PXDN: variants seen among roughly 807,000 people sequenced by gnomAD.
PXDN encodes peroxidasin homolog.
Under a neutral mutation model 140.3 loss-of-function variants are expected in PXDN, and 77 were observed. That is an observed-to-expected ratio of 0.55 (90% CI 0.46 to 0.66). The LOEUF (loss-of-function observed/expected upper bound fraction) is 0.66, where lower values mean the gene tolerates loss of function less well. PXDN is among the 30% of genes least tolerant of loss of function. The probability of loss-of-function intolerance (pLI) is 0.00; values close to 1 mark genes in which losing one functional copy is unlikely to be tolerated. For synonymous variants in PXDN, 911 were observed against 857.4 expected (o/e 1.06, Z -1.09); for missense variants, 1,838 against 2,039.5 (o/e 0.90, Z 1.90).
At chr2:1,665,936 CACTT>C (rs1398063446) in intron 10 of PXDN, among the ~76,000 whole-genome samples, 1 of 149,426 alleles carries the variant, frequency 6.7e-6, no homozygotes, top group South Asian at 2.1e-4. Flanking sequence ...CTCTCTCTCT[CACTT>C]ATCTGATAGA....
intron 19 of PXDN, among the ~76,000 whole-genome samples, chr2:1,640,498 A>G (rs1682699724): frequency 6.6e-6 from 1 of 152,196 alleles, no homozygotes. Flanking sequence ...TCTTCAAGAC[A>G]GAGACCTAAA....
At position 1,660,916 on chromosome 2, in the gene PXDN, C is replaced by A. The variant is rs1455604946; in HGVS notation, c.1802G>T (p.Gly601Val). ...RYECVARNTI[G>V]SASVSMVLSV... is the part of the protein sequence containing the mutation. Reference sequence around the variant, plus strand: ...GAGCACCATGCTCACCGAGGCCGACCCAATGGTGTTCCGGGCCACACACTC... The same window carrying A: ...GAGCACCATGCTCACCGAGGCCGACACAATGGTGTTCCGGGCCACACACTC... Residue 601 changes from glycine to valine, a missense_variant, in exon 14 of 23, where the codon GGG becomes GTG. Gly to Val is a moderately radical substitution (Grantham distance 109). This residue lies in a region of PXDN where 537 missense variants were observed against 583.9 expected (regional missense o/e 0.92). Coordinates refer to ENST00000252804, the MANE Select transcript of PXDN (RefSeq NM_012293.3). The surrounding 1 kb of genome is among the most constrained non-coding windows in gnomAD (Gnocchi z 4.6). 14 of 1,613,752 alleles carry A rather than the reference C, an allele frequency of 8.7e-6. No homozygotes were observed. The highest frequency in any genetic ancestry group is 1.0e-5 in the Non-Finnish European group (12 of 1,179,842).
chr2:1,675,231 G>A (rs1250196131), intron 8 of PXDN, among the ~76,000 whole-genome samples: 1 of 152,184 alleles, frequency 6.6e-6, no homozygotes, highest in Non-Finnish European at 1.5e-5. Flanking sequence ...TGGATGTTAG[G>A]TAAGGCCAGC....
chr2:1,663,248 G>A (rs923883187), intron 12 of PXDN, among the ~76,000 whole-genome samples: 1 of 152,064 alleles, frequency 6.6e-6, no homozygotes, highest in Non-Finnish European at 1.5e-5. Flanking sequence ...ATTAGACTGT[G>A]TTACTTAAAT....
intron 14 of PXDN, 36 bp from the exon 15 acceptor site, chr2:1,654,544 A>T (rs778995009): frequency 1.0e-5 from 14 of 1,362,378 alleles, no homozygotes; most frequent in Non-Finnish European, 1.5e-5. Context: ...ACCAGGAAAA[A>T]TACTGCACAA....
intron 1 of PXDN, among the ~76,000 whole-genome samples, chr2:1,701,859 C>A (rs149696675): frequency 0.01 from 1,592 of 152,302 alleles, 22 homozygotes; most frequent in African/African-American, 0.036. Context: ...CGGTCTTGTC[C>A]TGTCCACAAT....
intron 19 of PXDN, among the ~76,000 whole-genome samples, chr2:1,641,132 G>A (rs535765768): frequency 9.2e-5 from 14 of 152,304 alleles, no homozygotes; most frequent in African/African-American, 3.1e-4. Context: ...GCTCAAGGAC[G>A]TTCGCTTTAA....
intron 6 of PXDN, 109 bp downstream of exon 6, chr2:1,683,547 A>ATGTTTT: frequency 2.3e-6 from 1 of 436,486 alleles, no homozygotes; most frequent in Non-Finnish European, 3.5e-6. Context: ...TTCTTTCAGA[A>ATGTTTT]TCAGATTGTT....
At chr2:1,743,893 C>T (rs1386792699) in intron 1 of PXDN, among the ~76,000 whole-genome samples, 3 of 133,804 alleles carry the variant, frequency 2.2e-5, no homozygotes, top group South Asian at 2.5e-4. Context: ...AAGCGGGAGG[C>T]CGGCGGAGCA....
intron 1 of PXDN, among the ~76,000 whole-genome samples, chr2:1,721,178 A>G (rs1032988242): frequency 1.4e-4 from 22 of 152,204 alleles, no homozygotes; most frequent in Non-Finnish European, 2.1e-4. Flanking sequence ...AGCCAAGTCG[A>G]CATAAAATTC....
intron 1 of PXDN, among the ~76,000 whole-genome samples, chr2:1,742,793 CGGA>C (rs1366137061): frequency 2.6e-5 from 4 of 152,166 alleles, no homozygotes; most frequent in Admixed American, 6.5e-5. Flanking sequence ...GGTCTCTCTG[CGGA>C]GGAGGAGAGG....
Position 1,648,271 on chromosome 2 carries a change from T to C in PXDN, c.3509A>G (p.Tyr1170Cys). 6.2e-7 allele frequency: 1 copy of C among 1,613,962 alleles called. No individual in the cohort carries two copies. Among genetic ancestry groups the C allele is most frequent in the Non-Finnish European group, 8.5e-7 (1 of 1,179,882 alleles). The change falls in exon 17 of 23, where the codon TAC becomes TGC. Residue 1170 changes from tyrosine (Y) to cysteine (C), a missense_variant. Physicochemically the swap from Tyr to Cys is radical, Grantham distance 194. Transcript: ENST00000252804. This position sits in a 1 kb window ranked among gnomAD's most constrained non-coding sequence, Gnocchi z 8.9. ...ATTGCAGTAGACCCTGTAGTCGTGG[T>C]AGGGTGGGATCCCGTGGTCCCGGCC... ...QRGRDHGIPP[Y>C]HDYRVYCNLS...
At chr2:1,665,461 G>T (rs1315122774) in intron 10 of PXDN, among the ~76,000 whole-genome samples, 1 of 152,186 alleles carries the variant, frequency 6.6e-6, no homozygotes, top group Non-Finnish European at 1.5e-5. Flanking sequence ...TGTGTATGAT[G>T]ATAGTGGTTA....
At position 1,705,824 on chromosome 2, in the gene PXDN, C is replaced by A. The variant is rs1188583081; in HGVS notation, c.201-12690G>T. Among the ~76,000 whole-genome samples the A allele has an allele frequency of 2.6e-5, 4 of 152,018 alleles. No individual in the cohort carries two copies. In the South Asian group the frequency reaches 6.2e-4, roughly 24 times the overall value. ...GGGATGCAGGTGCGGCTGCCTATGA[C>A]CTGGGACGCAGGGTGCAGGGCACGG... On this transcript the variant is annotated intron_variant, in intron 1 of 22. Transcript: ENST00000252804.
rs1863134 is a variant in PXDN, at chr2:1,649,119, G to A, written c.2661C>T (p.Ser887=). 8.6e-3 allele frequency: 13,946 copies of A among 1,612,636 alleles called. 905 individuals are homozygous for A. In the African/African-American group the frequency reaches 0.15, roughly 18 times the overall value. ...AGTTCATGAGCAGCGAAGTCATGCC[G>A]CTGCCGCACACAGGGCTGGAGCGCA... The part of the protein sequence containing the change: ...FFVRSSPVCG[S]GMTSLLMNSV... The change falls in exon 17 of 23, where the codon AGC becomes AGT. Residue 887 remains serine (S), a synonymous_variant. Coordinates refer to ENST00000252804, the MANE Select transcript of PXDN (RefSeq NM_012293.3). The surrounding 1 kb of genome is among the most constrained non-coding windows in gnomAD (Gnocchi z 7.1).
At chr2:1,733,611 G>A (rs1401532872) in intron 1 of PXDN, among the ~76,000 whole-genome samples, 1 of 151,952 alleles carries the variant, frequency 6.6e-6, no homozygotes, top group Non-Finnish European at 1.5e-5. Flanking sequence ...GTGTGGCGGT[G>A]CGCGCCTGTA....
At position 1,666,299 on chromosome 2, in the gene PXDN, G is replaced by T. The variant is rs765551510; in HGVS notation, c.1206C>A (p.Val402=). 1.2e-6 allele frequency: 2 copies of T among 1,614,040 alleles called. No homozygotes were observed. The highest frequency in any genetic ancestry group is 1.7e-6 in the Non-Finnish European group (2 of 1,179,908). Residue 402 remains valine, a synonymous_variant, in exon 10 of 23, where the codon GTC becomes GTA. Coordinates refer to ENST00000252804, the MANE Select transcript of PXDN (RefSeq NM_012293.3). ...TPSGGLYIQN[V]VQGDSGEYAC... ...CATACTCTCCGCTGTCCCCCTGTAC[G>T]ACGTTCTGTATGTAAAGCCCGCCAG... is the stretch of plus-strand genomic sequence containing the variant.
intron 15 of PXDN, chr2:1,654,058 T>C (rs1315028011): frequency 4.0e-6 from 2 of 496,968 alleles, no homozygotes; most frequent in East Asian, 6.6e-5. Flanking sequence ...AAAAACTGCT[T>C]TGGAATCAGC....
rs142195216 is a variant in PXDN at position 1,720,013 on chromosome 2, T to TAG, written c.200+24241_200+24242dup. Among the ~76,000 whole-genome samples, 2 of 3,552 alleles carry TAG rather than the reference T, an allele frequency of 5.6e-4. 1 individual carries two copies. The highest frequency in any genetic ancestry group is 2.1e-3 in the African/African-American group (2 of 942). The allele number at this position is 3,552 out of a possible 152,430, so 2.3% of individuals were successfully genotyped here. A position where few individuals can be genotyped will look rare whatever the true frequency, so the allele number is the denominator to read the frequency against. ...CAGAGAGAGAGGGAGGGGAGGGATG[T>TAG]AGAGAGAGAGAGAGAGAGAGGGAGG... On this transcript the variant is annotated intron_variant, in intron 1 of 22. Transcript: ENST00000252804.
Sources: gnomAD v4.1 joint callset for allele counts (sites outside exome capture counted in the v4.1 genomes callset) on GRCh38, gnomAD v4.1.1 for gene constraint, gnomAD v4.1.1 regional missense constraint, Gnocchi (gnomAD v3.1) non-coding constraint, MANE v1.5 for transcripts, NCBI Gene and HGNC (gene_info 2026-07-23, HGNC 2026-07-21) for gene names.